Variants in DPH6 observed in about 807,000 individuals in gnomAD.
The protein encoded by DPH6 is diphthine--ammonia ligase.
In DPH6, 33 loss-of-function variants were observed where a neutral mutation model predicts 38.2. That is an observed-to-expected ratio of 0.86 (90% confidence interval 0.65 to 1.15). The LOEUF is 1.15. Among genes scored for constraint, DPH6 ranks in the 50% most tolerant of loss-of-function variants. The pLI is 0.00. For synonymous variants in DPH6, 108 were observed against 103.0 expected, an observed-to-expected ratio of 1.05 and a Z score of -0.30; for missense variants, 325 against 320.0, an observed-to-expected ratio of 1.02 and a Z score of -0.12.
Position 35,314,451 on chromosome 15 carries a change from C to T in DPH6, n.200+59070G>A, listed in dbSNP as rs112931056. Reference sequence around the variant, plus strand: ...TGATTTTCTTATTTGACTTCAAAATCGGTCATAAAGCAGCGGAGACAACTT... The same window carrying T: ...TGATTTTCTTATTTGACTTCAAAATTGGTCATAAAGCAGCGGAGACAACTT... On this transcript the variant is annotated intron_variant and non_coding_transcript_variant, in intron 3 of 3. Transcript: ENST00000560386. Among the ~76,000 whole-genome samples the T allele has an allele frequency of 9.1e-3, 1,381 of 152,198 alleles. 22 individuals carry two copies. The highest frequency in any genetic ancestry group is 0.031 in the African/African-American group (1,297 of 41,512).
the DPH6 span, among the ~76,000 whole-genome samples, chr15:35,188,498 G>C: frequency 6.6e-6 from 1 of 152,204 alleles, no homozygotes; most frequent in African/African-American, 2.4e-5. Flanking sequence ...CAGTACACTT[G>C]ATCTCTCAAG....
intron 5 of DPH6, among the ~76,000 whole-genome samples, chr15:35,417,103 A>G (rs966459375): frequency 2.6e-5 from 4 of 152,100 alleles, no homozygotes; most frequent in African/African-American, 4.8e-5. Flanking sequence ...AATTGTTTTT[A>G]TAAGTATAAA....
chr15:35,153,092 G>A, the DPH6 span, among the ~76,000 whole-genome samples: 1 of 152,096 alleles, frequency 6.6e-6, no homozygotes, highest in East Asian at 1.9e-4. Context: ...TTTATGATGT[G>A]AAAATTATGT....
At chr15:35,247,531 A>G (rs1406835012) in intron 3 of DPH6, among the ~76,000 whole-genome samples, 1 of 152,180 alleles carries the variant, frequency 6.6e-6, no homozygotes, top group African/African-American at 2.4e-5. Context: ...AGATTTCTTT[A>G]CTTACTGAAA....
chr15:35,346,372 T>C (rs911048258), intron 3 of DPH6, among the ~76,000 whole-genome samples: 4 of 152,102 alleles, frequency 2.6e-5, no homozygotes, highest in African/African-American at 9.6e-5. Context: ...ACCATATTTT[T>C]TGATATTGCA....
At position 35,455,198 on chromosome 15, in the gene DPH6, T is replaced by C. The variant is rs76726797; in HGVS notation, c.313-378A>G. ...TTTTCCCAGATTGAGTAACTTCTTT[T>C]AAAAATTAAGCAATGGCATAAATAG... On this transcript the variant is annotated intron_variant, in intron 3 of 8. Coordinates refer to ENST00000256538, the MANE Select transcript of DPH6 (RefSeq NM_080650.4). Among the ~76,000 whole-genome samples, 22 of 152,222 alleles carry C rather than the reference T, an allele frequency of 1.4e-4. No homozygotes were observed. The East Asian group carries it at 3.5e-3, about 24-fold the overall frequency.
the DPH6 span, among the ~76,000 whole-genome samples, chr15:35,172,983 A>C: frequency 6.6e-6 from 1 of 151,988 alleles, no homozygotes; most frequent in Non-Finnish European, 1.5e-5. Flanking sequence ...GACTTTTATA[A>C]AAAAAATACT....
chr15:35,304,012 T>C (rs925698482), intron 3 of DPH6, among the ~76,000 whole-genome samples: 5 of 152,214 alleles, frequency 3.3e-5, no homozygotes, highest in African/African-American at 1.2e-4. Context: ...GTAGTACTAT[T>C]GTTAAGAAAA....
At chr15:35,232,769 T>C (rs1250258927) in intron 3 of DPH6, among the ~76,000 whole-genome samples, 2 of 152,008 alleles carry the variant, frequency 1.3e-5, no homozygotes, top group African/African-American at 4.8e-5. Context: ...ATGGGAGGAG[T>C]ATGGTATAAC....
chr15:35,410,151 G>C (rs764762150), intron 6 of DPH6, among the ~76,000 whole-genome samples: 2 of 151,768 alleles, frequency 1.3e-5, no homozygotes, highest in Non-Finnish European at 3.0e-5. Flanking sequence ...CTTGTTAAAA[G>C]AGATAGGTTC....
At chr15:35,460,347 A>G (rs1250702095) in intron 3 of DPH6, among the ~76,000 whole-genome samples, 4 of 152,182 alleles carry the variant, frequency 2.6e-5, no homozygotes, top group African/African-American at 9.7e-5. Flanking sequence ...CCAAAAGCTA[A>G]TCAAGTAGTA....
rs542861253 is a variant in DPH6, at chr15:35,389,386, A to T, written c.568-7470T>A. Among the ~76,000 whole-genome samples, 10 of 152,150 alleles carry T rather than the reference A, an allele frequency of 6.6e-5. No individual in the cohort carries two copies. In the South Asian group the frequency reaches 1.9e-3, roughly 28 times the overall value. ...TTGGTGCAGAGCTGAGTTCAATTCC[A>T]GGATATCCTTGTTAACTTTCTGTCT... is the stretch of plus-strand genomic sequence containing the variant. On this transcript the variant is annotated intron_variant, in intron 6 of 8. Transcript: ENST00000256538.
the DPH6 span, among the ~76,000 whole-genome samples, chr15:35,163,535 T>C: frequency 1.3e-5 from 2 of 152,064 alleles, no homozygotes; most frequent in African/African-American, 2.4e-5. Flanking sequence ...AGCTAATGCA[T>C]ATTTGATTTA....
chr15:35,204,642 C>G, the DPH6 span, among the ~76,000 whole-genome samples: 2 of 151,664 alleles, frequency 1.3e-5, no homozygotes, highest in Admixed American at 1.3e-4. Context: ...TGAGAAAAAC[C>G]TCTAGCAAAA....
intron 3 of DPH6, among the ~76,000 whole-genome samples, chr15:35,279,245 T>C (rs1295751030): frequency 6.6e-6 from 1 of 151,872 alleles, no homozygotes; most frequent in African/African-American, 2.4e-5. Context: ...CTTTTTTTAA[T>C]CTTACAGGCT....
At position 35,371,857 on chromosome 15, in the gene DPH6, T is replaced by A; in HGVS notation, c.*293A>T. 1 of 1,059,694 alleles carries A rather than the reference T, an allele frequency of 9.4e-7. No homozygotes were observed. The highest frequency in any genetic ancestry group is 1.1e-6 in the Non-Finnish European group (1 of 877,440). The allele number at this position is 1,059,694 out of a possible 1,614,324, so 65.6% of individuals were successfully genotyped here. A position where few individuals can be genotyped will look rare whatever the true frequency, so the allele number is the denominator to read the frequency against. On this transcript the variant is annotated 3_prime_UTR_variant, in exon 9 of 9. Transcript: ENST00000256538. ...GAAACTAGTGTGATAAAAAAAGAAA[T>A]GCTACAGAAATGGGGTTTATAGATG...
intron 5 of DPH6, among the ~76,000 whole-genome samples, chr15:35,427,978 C>A (rs2053589980): frequency 6.6e-6 from 1 of 151,682 alleles, no homozygotes; most frequent in African/African-American, 2.4e-5. Flanking sequence ...CAAGAGGCAG[C>A]CTAAGAATAT....
chr15:35,395,934 T>C (rs758348563), intron 6 of DPH6, among the ~76,000 whole-genome samples: 1 of 152,146 alleles, frequency 6.6e-6, no homozygotes, highest in Non-Finnish European at 1.5e-5. Flanking sequence ...TTCAATTCTA[T>C]CAGTACCACA....
chr15:35,536,060 C>T (rs1221357269), intron 3 of DPH6, among the ~76,000 whole-genome samples: 2 of 152,020 alleles, frequency 1.3e-5, no homozygotes, highest in Admixed American at 6.6e-5. Context: ...GCTTTCCATA[C>T]TCCATTAATA....
Sources: gnomAD v4.1 joint callset for allele counts (sites outside exome capture counted in the v4.1 genomes callset) on GRCh38, gnomAD v4.1.1 for gene constraint, MANE v1.5 for transcripts, NCBI Gene and HGNC (gene_info 2026-07-23, HGNC 2026-07-21) for gene names.